The following DISC1 variants were observed in gnomAD, a reference collection of about 807,000 sequenced individuals.
DISC1 encodes the protein disrupted in schizophrenia 1 protein.
Under a neutral mutation model 84.5 loss-of-function variants are expected in DISC1, and 57 were observed. The ratio of observed to expected loss-of-function variants is 0.67; its 90% CI spans 0.55 to 0.84. The LOEUF is 0.84. Among genes scored for constraint, DISC1 ranks in the 40% least tolerant of loss-of-function variants. The pLI is 0.00. For synonymous variants in DISC1, 411 were observed against 415.2 expected (o/e 0.99, Z 0.12); for missense variants, 1,000 against 1,057.8 (o/e 0.95, Z 0.76).
intron 9 of DISC1, among the ~76,000 whole-genome samples, chr1:231,863,430 C>T (rs112617371): frequency 0.018 from 2,708 of 151,934 alleles, 47 homozygotes; most frequent in African/African-American, 0.043. Flanking sequence ...GGGGTTTCAC[C>T]ATGTTGGCCA....
At chr1:231,821,773 G>A (rs2081516747) in intron 9 of DISC1, among the ~76,000 whole-genome samples, 1 of 150,128 alleles carries the variant, frequency 6.7e-6, no homozygotes, top group South Asian at 2.1e-4. Flanking sequence ...GAGTGTAATG[G>A]TGCGATCTCT....
intron 4 of DISC1, among the ~76,000 whole-genome samples, chr1:231,753,556 G>A (rs1027083527): frequency 5.9e-5 from 9 of 152,202 alleles, no homozygotes; most frequent in Non-Finnish European, 1.2e-4. Context: ...ATGAGGGGAG[G>A]GGCTGCCATG....
intron 10 of DISC1, among the ~76,000 whole-genome samples, chr1:231,989,686 C>T (rs141604841): frequency 2.0e-5 from 3 of 152,196 alleles, no homozygotes; most frequent in South Asian, 2.1e-4. Context: ...TTGGGAAGAT[C>T]GAGATGAGAC....
chr1:231,627,739 A>G (rs575938985), intron 1 of DISC1, among the ~76,000 whole-genome samples: 14 of 152,382 alleles, frequency 9.2e-5, no homozygotes, highest in African/African-American at 3.1e-4. Flanking sequence ...GGGCTGGGTC[A>G]GTCGCTTAAC....
At chr1:231,702,141 T>C (rs1317132609) in intron 3 of DISC1, 117 bp downstream of exon 3, 24 of 1,470,242 alleles carry the variant, frequency 1.6e-5, no homozygotes, top group Non-Finnish European at 2.1e-5. Context: ...CCTCTGATCA[T>C]CTCTACCAGG....
intron 1 of DISC1, among the ~76,000 whole-genome samples, chr1:231,665,354 C>T (rs1265397418): frequency 4.6e-5 from 7 of 152,084 alleles, no homozygotes; most frequent in Admixed American, 1.3e-4. Context: ...AGTAACACAG[C>T]GGGACTCATA....
intron 4 of DISC1, among the ~76,000 whole-genome samples, chr1:231,754,212 G>T (rs553594738): frequency 2.6e-5 from 4 of 151,960 alleles, no homozygotes; most frequent in Non-Finnish European, 5.9e-5. Context: ...CCACTTCTTG[G>T]TACCAATTTT....
chr1:231,870,647 A>G (rs991349309), intron 9 of DISC1, among the ~76,000 whole-genome samples: 23 of 152,098 alleles, frequency 1.5e-4, no homozygotes, highest in African/African-American at 5.3e-4. Context: ...GGCTTGGGAG[A>G]TTGACAGCCC....
At chr1:231,720,609 G>A in intron 3 of DISC1, among the ~76,000 whole-genome samples, 1 of 152,236 alleles carries the variant, frequency 6.6e-6, no homozygotes, top group East Asian at 1.9e-4. Flanking sequence ...CAAAGTGCTG[G>A]GATTACAGGT....
At chr1:231,892,757 G>A (rs998665501) in intron 9 of DISC1, among the ~76,000 whole-genome samples, 4 of 152,042 alleles carry the variant, frequency 2.6e-5, no homozygotes, top group Non-Finnish European at 4.4e-5. Context: ...AATAATATTT[G>A]ATTTGAGCCT....
In DISC1 at chr1:231,694,319, C is replaced by T. The variant is rs2065388308; in HGVS notation, c.561C>T (p.Cys187=). The T allele has an allele frequency of 6.2e-7, 1 of 1,614,256 alleles. No individual in the cohort carries two copies. The highest frequency in any genetic ancestry group is 2.2e-5 in the East Asian group (1 of 44,890). ...LPSAELSSNS[C]SPGCGPEVPP... is the part of the protein sequence containing the mutation. ...CAGCAGAGTTGAGTAGCAACAGCTG[C>T]AGCCCTGGCTGTGGCCCTGAGGTCC... is the stretch of plus-strand genomic sequence containing the variant. The change falls in exon 2 of 13, where the codon TGC becomes TGT. Residue 187 remains cysteine (C), a synonymous_variant. Transcript: ENST00000439617.
In DISC1 at chr1:231,675,916, T is replaced by A. The variant is rs908768681; in HGVS notation, c.68-17910T>A. Reference sequence around the variant, plus strand: ...CAGGCTGGAATGCAATGATGTGATCTCGGGTCACTGCAACCTCCGCCTCCC... The same window carrying A: ...CAGGCTGGAATGCAATGATGTGATCACGGGTCACTGCAACCTCCGCCTCCC... On this transcript the variant is annotated intron_variant, in intron 1 of 12. Transcript: ENST00000439617. This position sits in a 1 kb window ranked among gnomAD's most constrained non-coding sequence, Gnocchi z 4.1. Among the ~76,000 whole-genome samples the A allele has an allele frequency of 4.0e-5, 6 of 151,778 alleles. No homozygotes were observed. Among genetic ancestry groups the A allele is most frequent in the Admixed American group, 3.3e-4 (5 of 15,230 alleles).
intron 9 of DISC1, among the ~76,000 whole-genome samples, chr1:231,857,654 A>C (rs1355509198): frequency 1.3e-5 from 2 of 152,208 alleles, no homozygotes; most frequent in Non-Finnish European, 2.9e-5. Flanking sequence ...TCTTGAAAAA[A>C]TTGTTTGTTT....
In DISC1 at chr1:231,675,851, CTTTTTTTTT is replaced by C. The variant is rs201559788; in HGVS notation, c.68-17967_68-17959del. ...GTATATTGTATTTGTTTTTTCTTTT[CTTTTTTTTT>C]TTTTTTTGACACAGAATTCCCACTG... is the stretch of plus-strand genomic sequence containing the variant. On this transcript the variant is annotated intron_variant, in intron 1 of 12. Coordinates refer to ENST00000439617, the MANE Select transcript of DISC1 (RefSeq NM_018662.3). The surrounding 1 kb of genome is among the most constrained non-coding windows in gnomAD (Gnocchi z 4.1). Among the ~76,000 whole-genome samples, 3 of 137,670 alleles carry C rather than the reference CTTTTTTTTT, an allele frequency of 2.2e-5. No homozygotes were observed. The highest frequency in any genetic ancestry group is 4.7e-4 in the South Asian group (2 of 4,218). 90.3% of individuals were successfully genotyped at this position (137,670 alleles called of 152,430 possible). A position where few individuals can be genotyped will look rare whatever the true frequency, so the allele number is the denominator to read the frequency against.
At position 231,850,448 on chromosome 1, in the gene DISC1, C is replaced by T. The variant is rs542123618; in HGVS notation, c.1981+31931C>T. 2.0e-5 allele frequency among the ~76,000 whole-genome samples: 3 copies of T among 152,378 alleles called. No individual in the cohort carries two copies. The South Asian group carries it at 6.2e-4, about 32-fold the overall frequency. ...TAACCTTCTAGTAAACCATGAATTT[C>T]TCTCACATGTCCTTGGGGTGATGAA... On this transcript the variant is annotated intron_variant, in intron 9 of 12. Transcript: ENST00000439617.
intron 8 of DISC1, among the ~76,000 whole-genome samples, chr1:231,803,549 G>C (rs949278018): frequency 2.0e-5 from 3 of 152,128 alleles, no homozygotes; most frequent in African/African-American, 7.2e-5. Context: ...GTTGTTAACA[G>C]ACGGCTTCAG....
chr1:232,003,801 C>T (rs546694035), intron 10 of DISC1, among the ~76,000 whole-genome samples: 13 of 151,622 alleles, frequency 8.6e-5, no homozygotes, highest in African/African-American at 1.7e-4. Context: ...TATTTAGAAA[C>T]GAAAAAACAT....
intron 1 of DISC1, among the ~76,000 whole-genome samples, chr1:231,651,522 CAGTT>C (rs1263973362): frequency 6.6e-6 from 1 of 152,208 alleles, no homozygotes; most frequent in African/African-American, 2.4e-5. Context: ...AGGTGTCTCT[CAGTT>C]AGGCTACACA....
At chr1:231,650,215 C>G (rs1170576681) in intron 1 of DISC1, among the ~76,000 whole-genome samples, 2 of 152,072 alleles carry the variant, frequency 1.3e-5, no homozygotes, top group African/African-American at 4.8e-5. Context: ...TGTTCCTTTC[C>G]ATGTTTAGTG....
Sources: allele counts gnomAD v4.1 joint callset (sites outside exome capture counted in the v4.1 genomes callset), GRCh38; gene constraint gnomAD v4.1.1; non-coding constraint Gnocchi (gnomAD v3.1); transcripts MANE v1.5; gene names NCBI Gene and HGNC (gene_info 2026-07-23, HGNC 2026-07-21).